Variants in TKFC observed in about 807,000 individuals in gnomAD.
The protein encoded by TKFC is triokinase and FMN cyclase, also known as triokinase/FMN cyclase.
In TKFC, 46 loss-of-function variants were observed where a neutral mutation model predicts 61.0. The observed-to-expected ratio is 0.75, with a 90% CI of 0.60 to 0.96. The LOEUF (loss-of-function observed/expected upper bound fraction) is 0.96, where lower values mean the gene tolerates loss of function less well. Ranked by LOEUF, TKFC falls within the 50% of genes least tolerant of loss-of-function variation. TKFC has a pLI of 0.00. For missense variants in TKFC, 715 were observed against 777.5 expected (o/e 0.92, Z 0.96); for synonymous variants, 314 against 330.1 (o/e 0.95, Z 0.53).
chr11:61,348,153 C>T lies in TKFC; in HGVS notation c.*1650C>T, dbSNP rs1039726832. ...AGCTGGGAAGGAGGCTGACCTCAGA[C>T]GGTGGCCTGTGGATCCCAGCTCTGT... On this transcript the variant is annotated 3_prime_UTR_variant, in exon 18 of 18. Coordinates refer to ENST00000394900, the MANE Select transcript of TKFC (RefSeq NM_015533.4). The T allele has an allele frequency of 3.3e-5, 33 of 985,460 alleles. No homozygotes were observed. Among genetic ancestry groups the T allele is most frequent in the South Asian group, 2.3e-4 (5 of 21,288 alleles). 61.0% of individuals were successfully genotyped at this position (985,460 alleles called of 1,614,324 possible).
At position 61,339,283 on chromosome 11, in the gene TKFC, A is replaced by G. The variant is rs201441428; in HGVS notation, c.334A>G (p.Thr112Ala). Reference protein sequence around the residue: ...VGTLLIVKNYTGDRLNFGLAR... With the variant: ...VGTLLIVKNYAGDRLNFGLAR... ...GACGCTCCTTATCGTGAAGAACTAC[A>G]CTGGGGATCGGCTCAACTTCGGCCT... The change falls in exon 5 of 18, where the codon ACT becomes GCT. Residue 112 changes from threonine (T) to alanine (A), a missense_variant. Transcript: ENST00000394900. The G allele has an allele frequency of 6.2e-6, 10 of 1,613,722 alleles. No individual in the cohort carries two copies. The highest frequency in any genetic ancestry group is 7.6e-6 in the Non-Finnish European group (9 of 1,179,944).
intron 10 of TKFC, 150 bp downstream of exon 10, chr11:61,342,994 G>C (rs1161713623): frequency 2.6e-6 from 2 of 775,204 alleles, no homozygotes; most frequent in Admixed American, 2.7e-5. Flanking sequence ...TTGAGCCTCT[G>C]TTTGTTTTCT....
chr11:61,339,544 T>A, intron 5 of TKFC, 109 bp downstream of exon 5: 1 of 1,267,604 alleles, frequency 7.9e-7, no homozygotes, highest in Non-Finnish European at 1.1e-6. Flanking sequence ...AAGCTAGTTC[T>A]TTTTCTCCAG....
chr11:61,346,255 AG>A lies in TKFC; in HGVS notation c.1576-93del. ...TGGCAGAGCCAGGGCAAGGGCGTGCAGGGCCAGGCTGCACGGCAGAGACGTT... is the reference window on the plus strand; with the variant it reads ...TGGCAGAGCCAGGGCAAGGGCGTGCAGGCCAGGCTGCACGGCAGAGACGTT... On this transcript the variant is annotated intron_variant, in intron 17 of 17. Transcript: ENST00000394900. The surrounding 1 kb of genome is among the most constrained non-coding windows in gnomAD (Gnocchi z 4.1). 6.3e-7 allele frequency: 1 copy of A among 1,589,758 alleles called. No individual in the cohort carries two copies.
intron 3 of TKFC, 128 bp downstream of exon 3, chr11:61,338,258 C>T (rs1856699386): frequency 1.2e-6 from 1 of 841,714 alleles, no homozygotes; most frequent in South Asian, 2.2e-5. Flanking sequence ...ACTTCCCACT[C>T]TCCCACTCCC....
At chr11:61,342,274 G>A in intron 7 of TKFC, 187 bp from the exon 8 acceptor site, 6 of 741,918 alleles carry the variant, frequency 8.1e-6, no homozygotes, top group South Asian at 1.6e-5. Context: ...TCTAGTTAAA[G>A]CTATCTCCAC....
chr11:61,353,036 A>G, downstream of TKFC: 1 of 1,614,202 alleles, frequency 6.2e-7, no homozygotes, highest in Non-Finnish European at 8.5e-7. Flanking sequence ...TGCGATGGAC[A>G]GAGAGAGGAT....
At chr11:61,350,609 T>C (rs1857354812), downstream of TKFC, 5 of 689,826 alleles carry the variant, frequency 7.2e-6, no homozygotes, top group South Asian at 7.7e-5. Context: ...CAAGACCTGC[T>C]CTGAGCACTC....
At chr11:61,337,413 T>G (rs1856654956) in intron 2 of TKFC, among the ~76,000 whole-genome samples, 1 of 152,226 alleles carries the variant, frequency 6.6e-6, no homozygotes, top group African/African-American at 2.4e-5. Context: ...CCCAAAGTGC[T>G]GGGATTACAG....
intron 13 of TKFC, among the ~76,000 whole-genome samples, chr11:61,344,666 C>G (rs1164908558): frequency 1.3e-5 from 2 of 152,200 alleles, no homozygotes; most frequent in African/African-American, 4.8e-5. Flanking sequence ...ACCCGGCCGA[C>G]AGGGACCTTC....
In TKFC at chr11:61,347,697, G is replaced by A; in HGVS notation, c.*1194G>A. 5 of 985,428 alleles carry A rather than the reference G, an allele frequency of 5.1e-6. No homozygotes were observed. Among genetic ancestry groups the A allele is most frequent in the South Asian group, 4.7e-5 (1 of 21,286 alleles). 61.0% of individuals were successfully genotyped at this position (985,428 alleles called of 1,614,324 possible). The stretch of plus-strand genomic sequence containing the variant: ...ACATGTAGGGTAGGGAGTGGTTAAA[G>A]GCACTGGCTGTCGACTCATACACAT... On this transcript the variant is annotated 3_prime_UTR_variant, in exon 18 of 18. Transcript: ENST00000394900.
In TKFC at chr11:61,348,465, A is replaced by G; in HGVS notation, c.*1962A>G. On this transcript the variant is annotated 3_prime_UTR_variant, in exon 18 of 18. Transcript: ENST00000394900. ...CCAGAACTCATTTAACCACAGCATC[A>G]TTTCATTAGAGGGCTGTTATTAGAG... 46 of 985,382 alleles carry G rather than the reference A, an allele frequency of 4.7e-5. No homozygotes were observed. Among genetic ancestry groups the G allele is most frequent in the Non-Finnish European group, 5.3e-5 (44 of 829,974 alleles). 61.0% of individuals were successfully genotyped at this position (985,382 alleles called of 1,614,324 possible). A position where few individuals can be genotyped will look rare whatever the true frequency, so the allele number is the denominator to read the frequency against.
rs575070287 is a variant in TKFC, at chr11:61,348,104, C to T, written c.*1601C>T. The T allele has an allele frequency of 3.8e-5, 37 of 985,480 alleles. No homozygotes were observed. The East Asian group carries it at 5.7e-4, about 15-fold the overall frequency. The allele number at this position is 985,480 out of a possible 1,614,324, so 61.0% of individuals were successfully genotyped here. A position where few individuals can be genotyped will look rare whatever the true frequency, so the allele number is the denominator to read the frequency against. ...TACGTCCCTGACCACAAGGCATCCA[C>T]GTGCACAGGAGTATGCGCCCAGCAG... On this transcript the variant is annotated 3_prime_UTR_variant, in exon 18 of 18. Coordinates refer to ENST00000394900, the MANE Select transcript of TKFC (RefSeq NM_015533.4).
In TKFC at chr11:61,344,158, G is replaced by A. The variant is rs1406912724; in HGVS notation, c.1125G>A (p.Ala375=). 5.6e-6 allele frequency: 9 copies of A among 1,612,334 alleles called. No individual in the cohort carries two copies. The East Asian group carries it at 1.1e-4, about 20-fold the overall frequency. Residue 375 remains alanine, a synonymous_variant, in exon 13 of 18, where the codon GCG becomes GCA. Coordinates refer to ENST00000394900, the MANE Select transcript of TKFC (RefSeq NM_015533.4). ...AAGGSASKRM[A]LVLERVCSTL... The stretch of plus-strand genomic sequence containing the variant: ...TAGGCTCAGCCTCGAAGCGGATGGC[G>A]CTGGTGCTGGAACGGGTGTGCAGCA...
intron 3 of TKFC, 73 bp from the exon 4 acceptor site, chr11:61,338,993 G>A (rs1856733039): frequency 7.6e-7 from 1 of 1,322,616 alleles, no homozygotes; most frequent in African/African-American, 1.4e-5. Context: ...ATGACCCCCG[G>A]AGTGTGGGAA....
In TKFC at chr11:61,348,404, A is replaced by C. The variant is rs924224027; in HGVS notation, c.*1901A>C. Reference sequence around the variant, plus strand: ...CGGTTGGCCCCTCCCTAGGTCTGTGAGGGTCAGACCTGTCCTGAGGCTTTT... The same window carrying C: ...CGGTTGGCCCCTCCCTAGGTCTGTGCGGGTCAGACCTGTCCTGAGGCTTTT... On this transcript the variant is annotated 3_prime_UTR_variant, in exon 18 of 18. Coordinates refer to ENST00000394900, the MANE Select transcript of TKFC (RefSeq NM_015533.4). 3.2e-5 allele frequency: 32 copies of C among 984,720 alleles called. No homozygotes were observed. In the South Asian group the frequency reaches 3.3e-4, roughly 10 times the overall value. 61.0% of individuals were successfully genotyped at this position (984,720 alleles called of 1,614,324 possible).
At position 61,343,947 on chromosome 11, in the gene TKFC, G is replaced by A; in HGVS notation, c.1074G>A (p.Gln358=). The A allele has an allele frequency of 6.2e-7, 1 of 1,611,636 alleles. No homozygotes were observed. ...KRSRVAPAEP[Q]EAPDSTAAGG... is the part of the protein sequence containing the mutation. Reference sequence around the variant, plus strand: ...GCCGGGTAGCCCCTGCCGAGCCCCAGGAGGCCCCTGATTCCACTGCTGCAG... The same window carrying A: ...GCCGGGTAGCCCCTGCCGAGCCCCAAGAGGCCCCTGATTCCACTGCTGCAG... The change falls in exon 12 of 18, where the codon CAG becomes CAA. Residue 358 remains glutamine, a synonymous_variant. Transcript: ENST00000394900.
At chr11:61,334,529 C>T in intron 1 of TKFC, 91 bp from the exon 2 acceptor site, 2 of 618,958 alleles carry the variant, frequency 3.2e-6, no homozygotes, top group South Asian at 1.8e-5. Context: ...AAGTCTGGGG[C>T]AGCTCCCTAA....
Position 61,345,308 on chromosome 11 carries a change from A to G in TKFC, c.1289A>G (p.Gln430Arg). ...GGCCCACCCCCTGCCAGCCCTGCCC[A>G]GCTGCTCTCCAAGTTGTCTGTCCTG... is the stretch of plus-strand genomic sequence containing the variant. ...KEGPPPASPA[Q>R]LLSKLSVLLL... The change falls in exon 14 of 18, where the codon CAG becomes CGG. Residue 430 changes from glutamine to arginine, a missense_variant. By Grantham distance (43) the Gln-to-Arg change is conservative. Coordinates refer to ENST00000394900, the MANE Select transcript of TKFC (RefSeq NM_015533.4). 6.2e-6 allele frequency: 10 copies of G among 1,603,548 alleles called. No homozygotes were observed. The highest frequency in any genetic ancestry group is 8.5e-6 in the Non-Finnish European group (10 of 1,173,128).
Sources: gnomAD v4.1 joint callset for allele counts (sites outside exome capture counted in the v4.1 genomes callset) on GRCh38, gnomAD v4.1.1 for gene constraint, Gnocchi (gnomAD v3.1) non-coding constraint, MANE v1.5 for transcripts, NCBI Gene and HGNC (gene_info 2026-07-23, HGNC 2026-07-21) for gene names.